SLC6A18: variants seen among roughly 807,000 people sequenced by gnomAD.
SLC6A18 encodes solute carrier family 6 member 18, also known as inactive sodium-dependent neutral amino acid transporter B(0)AT3.
In SLC6A18, 58 loss-of-function variants were observed where a neutral mutation model predicts 62.9. The ratio of observed to expected loss-of-function variants is 0.92; its 90% confidence interval spans 0.75 to 1.15. The LOEUF (loss-of-function observed/expected upper bound fraction) is 1.15. Ranked by LOEUF, SLC6A18 falls within the 50% of genes most tolerant of loss-of-function variation. SLC6A18 has a pLI of 0.00. For missense variants in SLC6A18, 793 were observed against 836.6 expected (o/e 0.95, Z 0.64); for synonymous variants, 382 against 365.8 (o/e 1.04, Z -0.51).
chr5:1,227,089 CCTTGCCCGCCGACG>C (rs879632302), intron 1 of SLC6A18, among the ~76,000 whole-genome samples: 40,063 of 144,118 alleles, frequency 0.28, 5,795 homozygotes, highest in East Asian at 0.32. Context: ...CCCGCCGACG[CCTTGCCCGCCGACG>C]CCTTGCCCGC....
chr5:1,239,568 C>A lies in SLC6A18; in HGVS notation c.845+6C>A. On this transcript the variant is annotated splice_donor_region_variant and intron_variant, in intron 6 of 11. Transcript: ENST00000324642. ...GCAAGTTACAACTCGCCCAGGTAGGCAGTCGGGCTCAGCTGTCCAGCCAGG... is the reference window on the plus strand; with the variant it reads ...GCAAGTTACAACTCGCCCAGGTAGGAAGTCGGGCTCAGCTGTCCAGCCAGG... 1 of 1,605,902 alleles carries A rather than the reference C, an allele frequency of 6.2e-7. No homozygotes were observed.
At chr5:1,244,099 C>T (rs928036934) in intron 9 of SLC6A18, 115 bp from the exon 10 acceptor site, 10 of 860,148 alleles carry the variant, frequency 1.2e-5, no homozygotes, top group Middle Eastern at 3.5e-4. Context: ...AGCCCAGGTG[C>T]CCTGGCCCTC....
At position 1,243,001 on chromosome 5, in the gene SLC6A18, G is replaced by C; in HGVS notation, c.1131+138G>C. On this transcript the variant is annotated intron_variant, in intron 8 of 11. Coordinates refer to ENST00000324642, the MANE Select transcript of SLC6A18 (RefSeq NM_182632.3). This position sits in a 1 kb window ranked among gnomAD's most constrained non-coding sequence, Gnocchi z 6.5. Reference sequence around the variant, plus strand: ...CAGGGCCTGTGAACCAAGAACCCCAGTCTATCTTTGTCTCAGGTTGCCAGG... The same window carrying C: ...CAGGGCCTGTGAACCAAGAACCCCACTCTATCTTTGTCTCAGGTTGCCAGG... The C allele has an allele frequency of 9.6e-7, 1 of 1,045,990 alleles. No homozygotes were observed. The highest frequency in any genetic ancestry group is 1.3e-6 in the Non-Finnish European group (1 of 740,908). The allele number at this position is 1,045,990 out of a possible 1,614,324, so 64.8% of individuals were successfully genotyped here. A position where few individuals can be genotyped will look rare whatever the true frequency, so the allele number is the denominator to read the frequency against.
In SLC6A18 at chr5:1,239,447, C is replaced by T. The variant is rs1746993183; in HGVS notation, c.733-3C>T. On this transcript the variant is annotated splice_polypyrimidine_tract_variant and splice_region_variant and intron_variant, in intron 5 of 11. Coordinates refer to ENST00000324642, the MANE Select transcript of SLC6A18 (RefSeq NM_182632.3). ...GTGAGACGCTCTCCCTGACTCATTC[C>T]AGATGCACATTCTCCAGAACCCCCG... 1 of 1,610,428 alleles carries T rather than the reference C, an allele frequency of 6.2e-7. No individual in the cohort carries two copies. Among genetic ancestry groups the T allele is most frequent in the Non-Finnish European group, 8.5e-7 (1 of 1,176,660 alleles).
At chr5:1,242,193 AC>A (rs1394919682) in intron 7 of SLC6A18, among the ~76,000 whole-genome samples, 2 of 151,868 alleles carry the variant, frequency 1.3e-5, no homozygotes, top group African/African-American at 4.8e-5. Context: ...AGCTGCCACC[AC>A]CCCCACCCCC....
chr5:1,241,410 T>G lies in SLC6A18; in HGVS notation c.974+751T>G, dbSNP rs895938138. Among the ~76,000 whole-genome samples, 1 of 152,136 alleles carries G rather than the reference T, an allele frequency of 6.6e-6. No individual in the cohort carries two copies. Among genetic ancestry groups the G allele is most frequent in the African/African-American group, 2.4e-5 (1 of 41,434 alleles). On this transcript the variant is annotated intron_variant, in intron 7 of 11. Coordinates refer to ENST00000324642, the MANE Select transcript of SLC6A18 (RefSeq NM_182632.3). The surrounding 1 kb of genome is among the most constrained non-coding windows in gnomAD (Gnocchi z 7.8). ...ACTTGTGTGAGGGGTGTGCCTGGCATCCAGTGGGTGGAGGCCGAGGATACC... is the reference window on the plus strand; with the variant it reads ...ACTTGTGTGAGGGGTGTGCCTGGCAGCCAGTGGGTGGAGGCCGAGGATACC...
chr5:1,239,415 C>T (rs572628317), intron 5 of SLC6A18, 35 bp from the exon 6 acceptor site: 46 of 1,532,610 alleles, frequency 3.0e-5, no homozygotes, highest in East Asian at 4.5e-5. Context: ...TGTGGTTTGC[C>T]TGCTGAGTGA....
intron 6 of SLC6A18, among the ~76,000 whole-genome samples, chr5:1,240,167 A>C (rs1747016746): frequency 6.6e-6 from 1 of 152,074 alleles, no homozygotes; most frequent in African/African-American, 2.4e-5. Context: ...ACTTCCTTGA[A>C]CTCACACTGG....
intron 1 of SLC6A18, 84 bp from the exon 2 acceptor site, chr5:1,232,135 A>T (rs1401088501): frequency 3.9e-6 from 5 of 1,281,342 alleles, no homozygotes. Context: ...CCCCTTGAAG[A>T]CCACAGGTGG....
Position 1,243,496 on chromosome 5 carries a change from G to A in SLC6A18, c.1132-59G>A. On this transcript the variant is annotated intron_variant, in intron 8 of 11. Coordinates refer to ENST00000324642, the MANE Select transcript of SLC6A18 (RefSeq NM_182632.3). The surrounding 1 kb of genome is among the most constrained non-coding windows in gnomAD (Gnocchi z 6.5). ...GAGTGTGTGTCCTGCAGGCAGGCGT[G>A]TGTGTGTGGTGGAGTGTGTGTGTGC... 6.4e-7 allele frequency: 1 copy of A among 1,561,124 alleles called. No homozygotes were observed. Among genetic ancestry groups the A allele is most frequent in the Non-Finnish European group, 8.8e-7 (1 of 1,142,140 alleles).
chr5:1,243,234 C>T lies in SLC6A18; in HGVS notation c.1132-321C>T, dbSNP rs980939778. On this transcript the variant is annotated intron_variant, in intron 8 of 11. Transcript: ENST00000324642. This position sits in a 1 kb window ranked among gnomAD's most constrained non-coding sequence, Gnocchi z 6.5. ...CAGTGTATGCCTGGACCTAGGGGCA[C>T]CAGGCAGGGGGGCACAGCCAGGAGG... is the stretch of plus-strand genomic sequence containing the variant. Among the ~76,000 whole-genome samples the T allele has an allele frequency of 1.3e-5, 2 of 152,156 alleles. No individual in the cohort carries two copies. The highest frequency in any genetic ancestry group is 2.9e-5 in the Non-Finnish European group (2 of 68,010).
At chr5:1,232,152 C>T (rs982459959) in intron 1 of SLC6A18, 67 bp from the exon 2 acceptor site, 1 of 1,486,398 alleles carries the variant, frequency 6.7e-7, no homozygotes, top group African/African-American at 1.4e-5. Context: ...GTGGCTCCCC[C>T]TGGCCCACGC....
chr5:1,226,972 A>ATG (rs1407756076), intron 1 of SLC6A18, among the ~76,000 whole-genome samples: 2 of 67,706 alleles, frequency 3.0e-5, no homozygotes, highest in Non-Finnish European at 7.0e-5. Flanking sequence ...TTGCCCACCG[A>ATG]CGCCTTGCCC....
At position 1,240,626 on chromosome 5, in the gene SLC6A18, A is replaced by G; in HGVS notation, c.941A>G (p.Lys314Arg). The G allele has an allele frequency of 6.2e-7, 1 of 1,614,070 alleles. No individual in the cohort carries two copies. Among genetic ancestry groups the G allele is most frequent in the Non-Finnish European group, 8.5e-7 (1 of 1,179,988 alleles). ...GCTGTCTTCTCTGTCCTGGGGTTCAAAGCAACTAATGACTACGAGCACTGC... is the reference window on the plus strand; with the variant it reads ...GCTGTCTTCTCTGTCCTGGGGTTCAGAGCAACTAATGACTACGAGCACTGC... Reference protein sequence around the residue: ...SIAVFSVLGFKATNDYEHCLD... With the variant: ...SIAVFSVLGFRATNDYEHCLD... The change falls in exon 7 of 12, where the codon AAA (lysine) becomes AGA (arginine). Residue 314 changes from lysine (K) to arginine (R), a missense_variant. Coordinates refer to ENST00000324642, the MANE Select transcript of SLC6A18 (RefSeq NM_182632.3).
chr5:1,232,421 G>A, intron 2 of SLC6A18, 62 bp downstream of exon 2: 1 of 1,561,756 alleles, frequency 6.4e-7, no homozygotes, highest in Non-Finnish European at 8.7e-7. Flanking sequence ...TCCTGGATGA[G>A]AGGTGGGGCG....
rs1746931761 is a variant in SLC6A18, at chr5:1,238,061, G to GT, written c.732+2dup. ...ACTCATCTACTTGTTCACTCCCAAC[G>GT]TAAGTGGGTCTTGGATCAAAGTTCA... On this transcript the variant is annotated splice_donor_variant, in intron 5 of 11. Transcript: ENST00000324642. LOFTEE classifies it high-confidence loss of function. The GT allele has an allele frequency of 6.2e-7, 1 of 1,608,114 alleles. No homozygotes were observed.
At chr5:1,242,631 C>A in intron 7 of SLC6A18, 76 bp from the exon 8 acceptor site, 1 of 1,526,302 alleles carries the variant, frequency 6.6e-7, no homozygotes, top group Non-Finnish European at 8.8e-7. Flanking sequence ...CTGTGCTTCG[C>A]AGCACCAACC....
intron 3 of SLC6A18, among the ~76,000 whole-genome samples, chr5:1,233,895 C>T (rs1025209531): frequency 4.6e-5 from 7 of 152,070 alleles, no homozygotes; most frequent in Non-Finnish European, 7.4e-5. Context: ...GCGCCTGCCA[C>T]CAGGCCTGGC....
intron 1 of SLC6A18, 103 bp from the exon 2 acceptor site, chr5:1,232,116 T>G: frequency 9.7e-7 from 1 of 1,029,210 alleles, no homozygotes. Context: ...AACATTCAGG[T>G]CCCGTCTGCC....
Sources: allele counts gnomAD v4.1 joint callset (sites outside exome capture counted in the v4.1 genomes callset), GRCh38; gene constraint gnomAD v4.1.1; non-coding constraint Gnocchi (gnomAD v3.1); transcripts MANE v1.5; gene names NCBI Gene and HGNC (gene_info 2026-07-23, HGNC 2026-07-21).